The following BAIAP2L1 variants were observed in gnomAD, a reference collection of about 807,000 sequenced individuals.
BAIAP2L1 encodes the protein BAR/IMD domain containing adaptor protein 2 like 1, also known as BAR/IMD domain-containing adapter protein 2-like 1.
A neutral mutation model predicts 66.3 loss-of-function variants in BAIAP2L1; 35 were observed. The observed-to-expected ratio is 0.53, with a 90% CI of 0.40 to 0.70. BAIAP2L1 has a LOEUF of 0.70. BAIAP2L1 is among the 30% of genes least tolerant of loss of function. The pLI, the probability that BAIAP2L1 is intolerant of heterozygous loss-of-function variation, is 0.00. For synonymous variants in BAIAP2L1, 269 were observed against 248.7 expected, an observed-to-expected ratio of 1.08 and a Z score of -0.77; for missense variants, 622 against 656.9, an observed-to-expected ratio of 0.95 and a Z score of 0.58.
At chr7:98,295,432 C>G (rs1032878222) in intron 12 of BAIAP2L1, among the ~76,000 whole-genome samples, 2 of 152,222 alleles carry the variant, frequency 1.3e-5, no homozygotes, top group African/African-American at 4.8e-5. Context: ...TCCTGCGGGG[C>G]ACTCAACGCT....
At chr7:98,376,848 A>AACCCAC (rs1347940804) in intron 1 of BAIAP2L1, among the ~76,000 whole-genome samples, 3 of 152,006 alleles carry the variant, frequency 2.0e-5, no homozygotes, top group African/African-American at 7.2e-5. Flanking sequence ...ACAACAAACC[A>AACCCAC]ACCCACTAAT....
intron 1 of BAIAP2L1, among the ~76,000 whole-genome samples, chr7:98,383,407 C>A (rs1802807699): frequency 6.6e-6 from 1 of 151,726 alleles, no homozygotes; most frequent in South Asian, 2.1e-4. Context: ...CCTCAGCCTC[C>A]CGAGCAGCTG....
In BAIAP2L1 at chr7:98,320,297, T is replaced by C; in HGVS notation, c.216A>G (p.Gly72=). ...TACTTGAAATCTCTATGAGGACATG[T>C]CCTGGGAACAAAACCAGATATGTTA... ...ATGSPVSTEL[G]HVLIEISSTH... The change falls in exon 4 of 14, where the codon GGA becomes GGG. Residue 72 remains glycine (G), a splice_region_variant and synonymous_variant. Coordinates refer to ENST00000005260, the MANE Select transcript of BAIAP2L1 (RefSeq NM_018842.5). The C allele has an allele frequency of 1.3e-6, 2 of 1,595,726 alleles. No individual in the cohort carries two copies. The highest frequency in any genetic ancestry group is 1.7e-6 in the Non-Finnish European group (2 of 1,171,028).
chr7:98,318,311 C>G (rs1398676850), intron 5 of BAIAP2L1, among the ~76,000 whole-genome samples: 1 of 152,156 alleles, frequency 6.6e-6, no homozygotes, highest in Non-Finnish European at 1.5e-5. Context: ...TCTCAAAGTT[C>G]CATCCAAAGC....
chr7:98,382,087 G>A (rs1245191557), intron 1 of BAIAP2L1, among the ~76,000 whole-genome samples: 5 of 151,848 alleles, frequency 3.3e-5, no homozygotes, highest in East Asian at 1.9e-4. Flanking sequence ...CACCACGCCC[G>A]GCTTTTTTGT....
intron 1 of BAIAP2L1, among the ~76,000 whole-genome samples, chr7:98,394,188 A>T (rs988302127): frequency 6.6e-6 from 1 of 152,144 alleles, no homozygotes; most frequent in African/African-American, 2.4e-5. Context: ...GCTTGCAGTG[A>T]GCAGAGATCT....
intron 1 of BAIAP2L1, among the ~76,000 whole-genome samples, chr7:98,390,538 C>T (rs1425878090): frequency 6.6e-6 from 1 of 151,758 alleles, no homozygotes; most frequent in African/African-American, 2.4e-5. Flanking sequence ...ACCATCTTGG[C>T]TAACACGGTG....
chr7:98,389,125 T>C (rs1279732105), intron 1 of BAIAP2L1, among the ~76,000 whole-genome samples: 1 of 151,980 alleles, frequency 6.6e-6, no homozygotes, highest in Non-Finnish European at 1.5e-5. Context: ...CTCAGGCAAT[T>C]GTGTCAGACA....
At chr7:98,375,423 A>G (rs900449760) in intron 1 of BAIAP2L1, among the ~76,000 whole-genome samples, 5 of 151,230 alleles carry the variant, frequency 3.3e-5, no homozygotes, top group Non-Finnish European at 5.9e-5. Flanking sequence ...GTGAGAGTGT[A>G]GAATCCACAA....
At chr7:98,354,329 T>A (rs1336808247) in intron 3 of BAIAP2L1, among the ~76,000 whole-genome samples, 1 of 152,142 alleles carries the variant, frequency 6.6e-6, no homozygotes, top group African/African-American at 2.4e-5. Context: ...ACTTCTTAAC[T>A]GGACATGGAT....
At chr7:98,367,289 A>T (rs1802407551) in intron 1 of BAIAP2L1, among the ~76,000 whole-genome samples, 1 of 152,214 alleles carries the variant, frequency 6.6e-6, no homozygotes, top group Non-Finnish European at 1.5e-5. Context: ...TGTCACTGCT[A>T]CAGTTCTATT....
chr7:98,390,250 G>A (rs570193721), intron 1 of BAIAP2L1, among the ~76,000 whole-genome samples: 11 of 151,868 alleles, frequency 7.2e-5, no homozygotes, highest in South Asian at 4.2e-4. Flanking sequence ...ATTCCCATAC[G>A]TAAAAATCAA....
rs1022319890 is a variant in BAIAP2L1, at chr7:98,292,365, C to T, written c.*1156G>A. ...GCCTCCTGAGTGGCGCCCACCACCA[C>T]ACCTGTCTAATTTTTGTATTTTTAG... is the stretch of plus-strand genomic sequence containing the variant. On this transcript the variant is annotated 3_prime_UTR_variant, in exon 14 of 14. Coordinates refer to ENST00000005260, the MANE Select transcript of BAIAP2L1 (RefSeq NM_018842.5). 4 of 431,526 alleles carry T rather than the reference C, an allele frequency of 9.3e-6. No homozygotes were observed. Among genetic ancestry groups the T allele is most frequent in the African/African-American group, 4.1e-5 (2 of 49,282 alleles). 26.7% of individuals were successfully genotyped at this position (431,526 alleles called of 1,614,324 possible).
At chr7:98,340,388 C>G (rs564493129) in intron 3 of BAIAP2L1, among the ~76,000 whole-genome samples, 1 of 152,100 alleles carries the variant, frequency 6.6e-6, no homozygotes, top group African/African-American at 2.4e-5. Flanking sequence ...CCCGGGTTCA[C>G]GCCATTCTCT....
At chr7:98,296,136 A>G (rs542147986) in intron 12 of BAIAP2L1, among the ~76,000 whole-genome samples, 1 of 152,284 alleles carries the variant, frequency 6.6e-6, no homozygotes, top group South Asian at 2.1e-4. Context: ...GACTGTCCCT[A>G]CGGGGCCACC....
chr7:98,332,068 G>T (rs535531958), intron 3 of BAIAP2L1, among the ~76,000 whole-genome samples: 1 of 151,886 alleles, frequency 6.6e-6, no homozygotes, highest in Non-Finnish European at 1.5e-5. Context: ...CACATAGGTC[G>T]GAACTTTGGA....
At chr7:98,367,281 T>C (rs4236537) in intron 1 of BAIAP2L1, among the ~76,000 whole-genome samples, 38,070 of 152,034 alleles carry the variant, frequency 0.25, 5,028 homozygotes, top group East Asian at 0.45. Flanking sequence ...CAGGAAACTG[T>C]CACTGCTACA....
chr7:98,323,231 G>A (rs915085232), intron 3 of BAIAP2L1: 2 of 152,126 alleles, frequency 1.3e-5, no homozygotes, highest in African/African-American at 4.8e-5. Flanking sequence ...CCATTAATAT[G>A]CCATTTTATA....
At chr7:98,308,272 C>A (rs1236960023) in intron 9 of BAIAP2L1, 1 of 471,306 alleles carries the variant, frequency 2.1e-6, no homozygotes, top group African/African-American at 2.0e-5. Context: ...ATCGCAAAGG[C>A]AGGCTAGGGC....
Sources: gnomAD v4.1 joint callset for allele counts (sites outside exome capture counted in the v4.1 genomes callset) on GRCh38, gnomAD v4.1.1 for gene constraint, MANE v1.5 for transcripts, NCBI Gene and HGNC (gene_info 2026-07-23, HGNC 2026-07-21) for gene names.